ADAMTSL3: variants seen among roughly 807,000 people sequenced by gnomAD.
ADAMTSL3 encodes the protein ADAMTS-like protein 3.
ADAMTSL3 carries 128 observed loss-of-function variants against 201.7 expected under a neutral mutation model. That is an observed-to-expected ratio of 0.63 (90% confidence interval 0.55 to 0.73). The LOEUF is 0.73. ADAMTSL3 is among the 30% of genes least tolerant of loss of function. The probability of loss-of-function intolerance (pLI) is 0.00; values close to 1 mark genes in which losing one functional copy is unlikely to be tolerated. For synonymous variants in ADAMTSL3, 738 were observed against 748.4 expected (o/e 0.99, Z 0.23); for missense variants, 1,990 against 2,119.6 (o/e 0.94, Z 1.20).
chr15:83,986,692 G>A lies in ADAMTSL3; in HGVS notation c.3717-1999G>A, dbSNP rs147772841. Among the ~76,000 whole-genome samples the A allele has an allele frequency of 4.1e-3, 617 of 152,202 alleles. 1 individual carries two copies. The highest frequency in any genetic ancestry group is 0.014 in the African/African-American group (582 of 41,524). ...TTTCAGTTGAAGTAATTGAGAAATGGAATTATGTTCCTGAAAGCCTCATTC... is the reference window on the plus strand; with the variant it reads ...TTTCAGTTGAAGTAATTGAGAAATGAAATTATGTTCCTGAAAGCCTCATTC... On this transcript the variant is annotated intron_variant, in intron 21 of 29. Transcript: ENST00000286744.
At chr15:83,681,750 A>T (rs138396409) in intron 2 of ADAMTSL3, among the ~76,000 whole-genome samples, 1 of 152,194 alleles carries the variant, frequency 6.6e-6, no homozygotes, top group Non-Finnish European at 1.5e-5. Flanking sequence ...CTGTCGGTGC[A>T]TGGTAAGAGA....
In ADAMTSL3 at chr15:84,031,526, T is replaced by C. The variant is rs889177725; in HGVS notation, c.4754+94T>C. On this transcript the variant is annotated intron_variant, in intron 28 of 29. Transcript: ENST00000286744. ...TGAAAATGGAATCCTTTCTAGTTTC[T>C]ACCAACTCTCATAATTGACAGTTTT... is the stretch of plus-strand genomic sequence containing the variant. 10 of 1,102,194 alleles carry C rather than the reference T, an allele frequency of 9.1e-6. No individual in the cohort carries two copies. The South Asian group carries it at 1.1e-4, about 12-fold the overall frequency. 68.3% of individuals were successfully genotyped at this position (1,102,194 alleles called of 1,614,324 possible). A position where few individuals can be genotyped will look rare whatever the true frequency, so the allele number is the denominator to read the frequency against.
At chr15:83,931,238 A>C (rs934470944) in intron 17 of ADAMTSL3, among the ~76,000 whole-genome samples, 2 of 152,220 alleles carry the variant, frequency 1.3e-5, no homozygotes, top group Non-Finnish European at 2.9e-5. Context: ...AGCAAGAGGC[A>C]ATAGTGATGT....
chr15:84,039,652 C>T lies in ADAMTSL3; in HGVS notation c.*1846C>T, dbSNP rs535424706. The T allele has an allele frequency of 2.9e-4, 44 of 152,672 alleles. No individual in the cohort carries two copies. Among genetic ancestry groups the T allele is most frequent in the Middle Eastern group, 3.4e-3 (1 of 292 alleles). The allele number at this position is 152,672 out of a possible 1,614,324, so 9.5% of individuals were successfully genotyped here. ...CAAAATTTCATATTAAATTGCTTCACTTTGTATTTAAAGTTAAAAGTTACT... is the reference window on the plus strand; with the variant it reads ...CAAAATTTCATATTAAATTGCTTCATTTTGTATTTAAAGTTAAAAGTTACT... On this transcript the variant is annotated 3_prime_UTR_variant, in exon 30 of 30. Transcript: ENST00000286744.
chr15:83,915,968 T>G (rs1202869940), intron 16 of ADAMTSL3, among the ~76,000 whole-genome samples: 4 of 152,352 alleles, frequency 2.6e-5, no homozygotes, highest in South Asian at 2.1e-4. Context: ...GTATATGATT[T>G]TATATGGACA....
At chr15:83,759,953 T>A (rs543196846) in intron 3 of ADAMTSL3, among the ~76,000 whole-genome samples, 2 of 152,166 alleles carry the variant, frequency 1.3e-5, no homozygotes, top group Non-Finnish European at 2.9e-5. Flanking sequence ...TTTTAGTGAC[T>A]TTTCTCTCTT....
intron 3 of ADAMTSL3, among the ~76,000 whole-genome samples, chr15:83,710,765 A>G (rs1031569331): frequency 1.3e-5 from 2 of 152,128 alleles, no homozygotes. Flanking sequence ...AGAGGGCTGG[A>G]TGTGCAGCCT....
At chr15:83,679,985 T>C (rs2061455459) in intron 2 of ADAMTSL3, among the ~76,000 whole-genome samples, 1 of 152,154 alleles carries the variant, frequency 6.6e-6, no homozygotes, top group Non-Finnish European at 1.5e-5. Context: ...TGTCCCAGAG[T>C]GTCCACTACC....
chr15:83,979,225 T>A (rs2067343387), intron 20 of ADAMTSL3, among the ~76,000 whole-genome samples: 1 of 152,206 alleles, frequency 6.6e-6, no homozygotes, highest in Admixed American at 6.5e-5. Context: ...AAACAATCGA[T>A]CTCCACATAT....
intron 4 of ADAMTSL3, among the ~76,000 whole-genome samples, chr15:83,791,930 G>A (rs1014846713): frequency 1.3e-5 from 2 of 151,766 alleles, no homozygotes; most frequent in Admixed American, 6.6e-5. Context: ...TTTAGCATCC[G>A]GAAGAAACAG....
intron 3 of ADAMTSL3, among the ~76,000 whole-genome samples, chr15:83,746,023 G>T (rs1433189988): frequency 6.6e-6 from 1 of 152,114 alleles, no homozygotes; most frequent in Non-Finnish European, 1.5e-5. Flanking sequence ...AATAGGCCTG[G>T]GACAGTGGCT....
chr15:84,013,295 A>G (rs2068035321), intron 23 of ADAMTSL3, among the ~76,000 whole-genome samples: 2 of 152,224 alleles, frequency 1.3e-5, no homozygotes, highest in African/African-American at 4.8e-5. Context: ...ATGAGAATTC[A>G]AGTGTCACCA....
chr15:83,865,340 T>C (rs2064952650), intron 8 of ADAMTSL3, among the ~76,000 whole-genome samples: 2 of 152,164 alleles, frequency 1.3e-5, no homozygotes, highest in African/African-American at 4.8e-5. Flanking sequence ...GCTGGGGGCA[T>C]CACGCTACCT....
chr15:84,021,240 T>C (rs1360024200), intron 25 of ADAMTSL3, among the ~76,000 whole-genome samples, 170 bp from the exon 26 acceptor site: 1 of 152,148 alleles, frequency 6.6e-6, no homozygotes, highest in Admixed American at 6.5e-5. Flanking sequence ...AGTAAATTAG[T>C]TGAGGGAAAA....
At chr15:83,848,925 C>T (rs571731728) in intron 7 of ADAMTSL3, among the ~76,000 whole-genome samples, 1 of 152,196 alleles carries the variant, frequency 6.6e-6, no homozygotes, top group East Asian at 1.9e-4. Flanking sequence ...CATAACAACC[C>T]CTTGGAACAG....
chr15:83,839,599 G>GTT (rs2064337222), intron 7 of ADAMTSL3, among the ~76,000 whole-genome samples: 1 of 152,158 alleles, frequency 6.6e-6, no homozygotes. Flanking sequence ...AATAGGAAGT[G>GTT]TCTTTCAAGC....
At chr15:83,705,708 C>G (rs1473400587) in intron 3 of ADAMTSL3, among the ~76,000 whole-genome samples, 2 of 152,112 alleles carry the variant, frequency 1.3e-5, no homozygotes, top group South Asian at 4.1e-4. Flanking sequence ...GGGGAAGACA[C>G]TGCACACTCT....
chr15:83,823,895 CTTCTT>C lies in ADAMTSL3; in HGVS notation c.600+3849_600+3853del, dbSNP rs2063939768. On this transcript the variant is annotated intron_variant, in intron 6 of 29. Transcript: ENST00000286744. Reference sequence around the variant, plus strand: ...ACTCCATTTCCTTCTTCTTCTTCCTCTTCTTCTTCTTCTTCTTCTTCTTCTTCTTC... The same window carrying C: ...ACTCCATTTCCTTCTTCTTCTTCCTCCTTCTTCTTCTTCTTCTTCTTCTTC... 2.0e-4 allele frequency among the ~76,000 whole-genome samples: 3 copies of C among 15,094 alleles called. No homozygotes were observed. The Admixed American group carries it at 2.6e-3, about 13-fold the overall frequency. 9.9% of individuals were successfully genotyped at this position (15,094 alleles called of 152,430 possible).
At chr15:83,710,192 A>G (rs576193196) in intron 3 of ADAMTSL3, among the ~76,000 whole-genome samples, 1 of 152,320 alleles carries the variant, frequency 6.6e-6, no homozygotes, top group East Asian at 1.9e-4. Flanking sequence ...AGGTCCTTTT[A>G]TACCTATTCA....
Sources: gnomAD v4.1 joint callset for allele counts (sites outside exome capture counted in the v4.1 genomes callset) on GRCh38, gnomAD v4.1.1 for gene constraint, MANE v1.5 for transcripts, NCBI Gene and HGNC (gene_info 2026-07-23, HGNC 2026-07-21) for gene names.